The following ZFYVE9 variants were observed in gnomAD, a reference collection of about 807,000 sequenced individuals.
ZFYVE9 encodes the protein zinc finger FYVE-type containing 9.
A neutral mutation model predicts 126.7 loss-of-function variants in ZFYVE9; 43 were observed. The ratio of observed to expected loss-of-function variants is 0.34; its 90% confidence interval spans 0.27 to 0.44. The LOEUF is 0.44. Among genes scored for constraint, ZFYVE9 ranks in the 20% least tolerant of loss-of-function variants. The probability of loss-of-function intolerance (pLI) is 1.00; values close to 1 mark genes in which losing one functional copy is unlikely to be tolerated. For synonymous variants in ZFYVE9, 521 were observed against 597.4 expected, an observed-to-expected ratio of 0.87 and a Z score of 1.87; for missense variants, 1,476 against 1,697.0, an observed-to-expected ratio of 0.87 and a Z score of 2.29.
chr1:52,219,458 A>G (rs191547628), intron 2 of ZFYVE9, among the ~76,000 whole-genome samples: 1 of 151,816 alleles, frequency 6.6e-6, no homozygotes, highest in African/African-American at 2.4e-5. Context: ...TTGCTGTCTC[A>G]GTGGTTAGGA....
chr1:52,245,019 G>T (rs1248281284), intron 4 of ZFYVE9, among the ~76,000 whole-genome samples: 4 of 152,004 alleles, frequency 2.6e-5, no homozygotes, highest in African/African-American at 7.2e-5. Flanking sequence ...TTAGCTGGGC[G>T]TGGTGGCAGG....
intron 1 of ZFYVE9, among the ~76,000 whole-genome samples, chr1:52,205,067 AT>A (rs891218048): frequency 0.031 from 3,626 of 117,732 alleles, 82 homozygotes; most frequent in African/African-American, 0.12. Flanking sequence ...TGTGCTGTGA[AT>A]TTTTTTTTTT....
intron 1 of ZFYVE9, among the ~76,000 whole-genome samples, chr1:52,159,807 T>A (rs767380713): frequency 8.6e-4 from 131 of 152,196 alleles, no homozygotes; most frequent in Non-Finnish European, 1.5e-3. Context: ...TTTTTCTTTT[T>A]TTTTTTGAGA....
intron 12 of ZFYVE9, among the ~76,000 whole-genome samples, chr1:52,298,550 T>C (rs1300080905): frequency 1.3e-5 from 2 of 152,192 alleles, no homozygotes; most frequent in South Asian, 2.1e-4. Context: ...TATTATAGTT[T>C]TGTAGTATAT....
chr1:52,185,950 C>T (rs1226917283), intron 1 of ZFYVE9, among the ~76,000 whole-genome samples: 2 of 140,160 alleles, frequency 1.4e-5, no homozygotes, highest in African/African-American at 5.4e-5. Context: ...TGATAAAATT[C>T]AATATCCTGG....
intron 13 of ZFYVE9, among the ~76,000 whole-genome samples, chr1:52,308,522 C>A (rs1373493426): frequency 6.6e-6 from 1 of 151,982 alleles, no homozygotes; most frequent in Non-Finnish European, 1.5e-5. Context: ...CAATATTCTT[C>A]TTTTCCTCTC....
intron 1 of ZFYVE9, among the ~76,000 whole-genome samples, chr1:52,184,198 T>TATATATATATATTTATATATATAG (rs1491048189): frequency 4.2e-5 from 6 of 143,820 alleles, no homozygotes; most frequent in Middle Eastern, 3.3e-3. Flanking sequence ...CAAGTGTCAT[T>TATATATATATATTTATATATATAG]ATATATATAT....
At chr1:52,291,023 A>G (rs778294519) in intron 10 of ZFYVE9, among the ~76,000 whole-genome samples, 3 of 152,292 alleles carry the variant, frequency 2.0e-5, no homozygotes, top group African/African-American at 4.8e-5. Flanking sequence ...AAAATCTGCA[A>G]TTTATTTTTC....
chr1:52,190,837 T>C (rs1644809748), intron 1 of ZFYVE9, among the ~76,000 whole-genome samples: 1 of 152,248 alleles, frequency 6.6e-6, no homozygotes, highest in Admixed American at 6.5e-5. Context: ...TGTCAGTAAC[T>C]ATTAATAGCA....
In ZFYVE9 at chr1:52,340,912, A is replaced by C. The variant is rs868798053; in HGVS notation, c.3939+681A>C. The stretch of plus-strand genomic sequence containing the variant: ...AGAGCAAGACTCCGTCTCAAAAAAA[A>C]AAAAAAAAAAAAAAAAAAAAACTAG... On this transcript the variant is annotated intron_variant, in intron 17 of 18. Coordinates refer to ENST00000287727, the MANE Select transcript of ZFYVE9 (RefSeq NM_004799.4). Among the ~76,000 whole-genome samples the C allele has an allele frequency of 7.3e-4, 95 of 130,294 alleles. 1 individual carries two copies. The highest frequency in any genetic ancestry group is 4.4e-3 in the South Asian group (19 of 4,332). 85.5% of individuals were successfully genotyped at this position (130,294 alleles called of 152,430 possible).
In ZFYVE9 at chr1:52,268,621, C is replaced by G; in HGVS notation, c.2614C>G (p.Leu872Val). 1.2e-6 allele frequency: 2 copies of G among 1,613,730 alleles called. No individual in the cohort carries two copies. The highest frequency in any genetic ancestry group is 1.7e-6 in the Non-Finnish European group (2 of 1,179,752). The change falls in exon 7 of 19, where the codon CTA becomes GTA. Residue 872 changes from leucine to valine, a missense_variant. Coordinates refer to ENST00000287727, the MANE Select transcript of ZFYVE9 (RefSeq NM_004799.4). ...DPVKPVTTSP[L>V]PAETDICLFS... Reference sequence around the variant, plus strand: ...AGTCAAGCCAGTAACTACCAGTCCTCTACCAGCAGAGGTAAGAAAACAAAA... The same window carrying G: ...AGTCAAGCCAGTAACTACCAGTCCTGTACCAGCAGAGGTAAGAAAACAAAA...
intron 10 of ZFYVE9, among the ~76,000 whole-genome samples, chr1:52,285,551 G>A (rs898585595): frequency 6.6e-6 from 1 of 152,194 alleles, no homozygotes; most frequent in Non-Finnish European, 1.5e-5. Flanking sequence ...AACTGCGCGT[G>A]TGAGGGATCT....
chr1:52,196,559 C>G (rs1292681977), intron 1 of ZFYVE9, among the ~76,000 whole-genome samples: 1 of 152,094 alleles, frequency 6.6e-6, no homozygotes, highest in Non-Finnish European at 1.5e-5. Flanking sequence ...ATCGCTTGAA[C>G]CCAGGAGGCA....
At chr1:52,251,512 T>C (rs1331309679) in intron 4 of ZFYVE9, among the ~76,000 whole-genome samples, 1 of 152,224 alleles carries the variant, frequency 6.6e-6, no homozygotes, top group Admixed American at 6.5e-5. Flanking sequence ...TTAATTGATT[T>C]TCATAAGTTG....
At chr1:52,329,330 T>C (rs1374184393) in intron 13 of ZFYVE9, among the ~76,000 whole-genome samples, 1 of 152,084 alleles carries the variant, frequency 6.6e-6, no homozygotes, top group Non-Finnish European at 1.5e-5. Flanking sequence ...ACATTATATA[T>C]AAAAACTGAC....
intron 1 of ZFYVE9, among the ~76,000 whole-genome samples, chr1:52,150,786 A>G (rs1644349576): frequency 6.6e-6 from 1 of 151,634 alleles, no homozygotes; most frequent in African/African-American, 2.4e-5. Flanking sequence ...AAAAAAAAAA[A>G]GAAGAAAAGA....
At chr1:52,301,557 G>A (rs774208966) in intron 12 of ZFYVE9, among the ~76,000 whole-genome samples, 1 of 151,936 alleles carries the variant, frequency 6.6e-6, no homozygotes, top group African/African-American at 2.4e-5. Context: ...TTCCACCTCA[G>A]CCTCCCAAAG....
intron 10 of ZFYVE9, among the ~76,000 whole-genome samples, chr1:52,292,727 C>G (rs1443949629): frequency 2.6e-5 from 4 of 151,966 alleles, no homozygotes; most frequent in Admixed American, 6.6e-5. Flanking sequence ...CCTCGGCCTC[C>G]CAAAGTGCTG....
intron 1 of ZFYVE9, among the ~76,000 whole-genome samples, chr1:52,155,234 CTTTTTTT>C (rs202048189): frequency 0.058 from 7,528 of 129,060 alleles, 515 homozygotes; most frequent in African/African-American, 0.17. Context: ...TCTTTTTTTT[CTTTTTTT>C]TTTTTTTTTT....
Sources: allele counts gnomAD v4.1 joint callset (sites outside exome capture counted in the v4.1 genomes callset), GRCh38; gene constraint gnomAD v4.1.1; transcripts MANE v1.5; gene names NCBI Gene and HGNC (gene_info 2026-07-23, HGNC 2026-07-21).